STAT1: variants seen among roughly 807,000 people sequenced by gnomAD.
The protein encoded by STAT1 is signal transducer and activator of transcription 1-alpha/beta.
Under a neutral mutation model 111.7 loss-of-function variants are expected in STAT1, and 24 were observed. That is an observed-to-expected ratio of 0.21 (90% CI 0.16 to 0.30). The LOEUF is 0.30. Among genes scored for constraint, STAT1 ranks in the 10% least tolerant of loss-of-function variants. The pLI is 1.00. For synonymous variants in STAT1, 332 were observed against 326.5 expected, an observed-to-expected ratio of 1.02 and a Z score of -0.18; for missense variants, 351 against 911.9, an observed-to-expected ratio of 0.38 and a Z score of 7.92.
rs1692790634 is a variant in STAT1, at chr2:190,986,074, C to T, written c.1222-414G>A. Among the ~76,000 whole-genome samples, 1 of 152,224 alleles carries T rather than the reference C, an allele frequency of 6.6e-6. No individual in the cohort carries two copies. Among genetic ancestry groups the T allele is most frequent in the Admixed American group, 6.5e-5 (1 of 15,288 alleles). ...AAGTGGACGTCAATCTCTGAGCTGT[C>T]AATCCCTGAGCTGACGAGGGAGCAG... On this transcript the variant is annotated intron_variant, in intron 14 of 24. Transcript: ENST00000361099. This position sits in a 1 kb window ranked among gnomAD's most constrained non-coding sequence, Gnocchi z 5.0.
rs764141480 is a variant in STAT1, at chr2:190,976,994, C to T, written c.1905G>A (p.Thr635=). The part of the protein sequence containing the change: ...EPDFHAVEPY[T]KKELSAVTFP... ...AAGTAACAGCAGAAAGTTCTTTCTTCGTGTAGGGTTCAACCGCATGGAAGT... is the reference window on the plus strand; with the variant it reads ...AAGTAACAGCAGAAAGTTCTTTCTTTGTGTAGGGTTCAACCGCATGGAAGT... Residue 635 remains threonine (T), a synonymous_variant, in exon 22 of 25, where the codon ACG becomes ACA. Coordinates refer to ENST00000361099, the MANE Select transcript of STAT1 (RefSeq NM_007315.4). This position sits in a 1 kb window ranked among gnomAD's most constrained non-coding sequence, Gnocchi z 6.0. The T allele has an allele frequency of 6.8e-6, 11 of 1,613,968 alleles. No individual in the cohort carries two copies. The East Asian group carries it at 8.9e-5, about 13-fold the overall frequency.
rs1428086718 is a variant in STAT1 at position 190,977,622 on chromosome 2, G to C, written c.1874-597C>G. On this transcript the variant is annotated intron_variant, in intron 21 of 24. Coordinates refer to ENST00000361099, the MANE Select transcript of STAT1 (RefSeq NM_007315.4). The surrounding 1 kb of genome is among the most constrained non-coding windows in gnomAD (Gnocchi z 4.7). ...CTAGCTGATACAGAATCTCCCTTTG[G>C]GTGTCGACCTTCCAGAGGCCACGGT... is the stretch of plus-strand genomic sequence containing the variant. Among the ~76,000 whole-genome samples, 1 of 152,070 alleles carries C rather than the reference G, an allele frequency of 6.6e-6. No homozygotes were observed. Among genetic ancestry groups the C allele is most frequent in the Non-Finnish European group, 1.5e-5 (1 of 68,016 alleles).
In STAT1 at chr2:190,970,686, T is replaced by C. The variant is rs947648115; in HGVS notation, c.*17A>G. 6.2e-7 allele frequency: 1 copy of C among 1,612,896 alleles called. No homozygotes were observed. The highest frequency in any genetic ancestry group is 1.3e-5 in the African/African-American group (1 of 74,896). ...GAAGGAAAACTGTCGCCAGAGAAGA[T>C]GAAAAAAATTCATGCTCTATACTGT... On this transcript the variant is annotated 3_prime_UTR_variant, in exon 25 of 25. Transcript: ENST00000361099. The surrounding 1 kb of genome is among the most constrained non-coding windows in gnomAD (Gnocchi z 5.4).
chr2:191,007,452 A>G lies in STAT1; in HGVS notation c.372+111T>C, dbSNP rs1209314623. The G allele has an allele frequency of 1.2e-6, 1 of 814,558 alleles. No homozygotes were observed. The highest frequency in any genetic ancestry group is 1.5e-5 in the South Asian group (1 of 65,932). 50.5% of individuals were successfully genotyped at this position (814,558 alleles called of 1,614,324 possible). Reference sequence around the variant, plus strand: ...TCTGATTCTCCCACTTCTTGGGGCTATAAAATTAGAGAGATATTCATCATT... The same window carrying G: ...TCTGATTCTCCCACTTCTTGGGGCTGTAAAATTAGAGAGATATTCATCATT... On this transcript the variant is annotated intron_variant, in intron 5 of 24. Transcript: ENST00000361099. The surrounding 1 kb of genome is among the most constrained non-coding windows in gnomAD (Gnocchi z 4.2).
At position 190,975,946 on chromosome 2, in the gene STAT1, A is replaced by ATCAACTTTTCGGGGGGATTAAAGT; in HGVS notation, c.2060-83_2060-60dup. On this transcript the variant is annotated intron_variant, in intron 22 of 24. Coordinates refer to ENST00000361099, the MANE Select transcript of STAT1 (RefSeq NM_007315.4). This position sits in a 1 kb window ranked among gnomAD's most constrained non-coding sequence, Gnocchi z 5.9. ...AACCGAAATTCCATCAGAATACAAC[A>ATCAACTTTTCGGGGGGATTAAAGT]TCAACTTTTCGGGGGGATTAAAGTT... 1 of 1,440,866 alleles carries ATCAACTTTTCGGGGGGATTAAAGT rather than the reference A, an allele frequency of 6.9e-7. No individual in the cohort carries two copies. The highest frequency in any genetic ancestry group is 9.8e-7 in the Non-Finnish European group (1 of 1,024,452). The allele number at this position is 1,440,866 out of a possible 1,614,324, so 89.3% of individuals were successfully genotyped here. A position where few individuals can be genotyped will look rare whatever the true frequency, so the allele number is the denominator to read the frequency against.
chr2:190,970,535 T>G lies in STAT1; in HGVS notation c.*168A>C. On this transcript the variant is annotated 3_prime_UTR_variant, in exon 25 of 25. Coordinates refer to ENST00000361099, the MANE Select transcript of STAT1 (RefSeq NM_007315.4). The surrounding 1 kb of genome is among the most constrained non-coding windows in gnomAD (Gnocchi z 5.4). ...GCATGATGCCCTTCAGAGTAACTGATGTTTCTGAGTTAGAGAAAAATTCAC... is the reference window on the plus strand; with the variant it reads ...GCATGATGCCCTTCAGAGTAACTGAGGTTTCTGAGTTAGAGAAAAATTCAC... The G allele has an allele frequency of 1.4e-6, 1 of 734,102 alleles. No homozygotes were observed. Among genetic ancestry groups the G allele is most frequent in the Non-Finnish European group, 2.4e-6 (1 of 412,912 alleles). The allele number at this position is 734,102 out of a possible 1,614,324, so 45.5% of individuals were successfully genotyped here.
Position 190,990,059 on chromosome 2 carries a change from A to G in STAT1, c.1038-385T>C, listed in dbSNP as rs924256435. Among the ~76,000 whole-genome samples the G allele has an allele frequency of 6.6e-6, 1 of 152,178 alleles. No individual in the cohort carries two copies. The highest frequency in any genetic ancestry group is 2.4e-5 in the African/African-American group (1 of 41,412). On this transcript the variant is annotated intron_variant, in intron 11 of 24. Coordinates refer to ENST00000361099, the MANE Select transcript of STAT1 (RefSeq NM_007315.4). This position sits in a 1 kb window ranked among gnomAD's most constrained non-coding sequence, Gnocchi z 5.1. The stretch of plus-strand genomic sequence containing the variant: ...AACATTACTTTCTATTAAAACTTGT[A>G]TCTAATCTTTGTCCTGTTGGGAGAC...
At chr2:190,991,755 G>A (rs1693359999) in intron 10 of STAT1, among the ~76,000 whole-genome samples, 1 of 151,740 alleles carries the variant, frequency 6.6e-6, no homozygotes, top group Non-Finnish European at 1.5e-5. Flanking sequence ...CTACTGGAGG[G>A]TTGAAGTGGG....
intron 5 of STAT1, among the ~76,000 whole-genome samples, chr2:191,002,807 G>A (rs923259151): frequency 6.6e-6 from 1 of 152,036 alleles, no homozygotes; most frequent in Non-Finnish European, 1.5e-5. Context: ...GTGTTAAAGA[G>A]GTACCCATCA....
At chr2:191,009,130 A>G in intron 3 of STAT1, 23 bp from the exon 4 acceptor site, 1 of 1,613,750 alleles carries the variant, frequency 6.2e-7, no homozygotes, top group South Asian at 1.1e-5. Flanking sequence ...ACATTTACAC[A>G]TTTCATTCTA....
rs754206062 is a variant in STAT1 at position 190,979,016 on chromosome 2, G to A, written c.1728-15C>T. ...CCATGATGCACCTGGATATCGAAGA[G>A]ATGGACGGATGGGCTTTTAGTTCAA... On this transcript the variant is annotated splice_polypyrimidine_tract_variant and intron_variant, in intron 20 of 24. Coordinates refer to ENST00000361099, the MANE Select transcript of STAT1 (RefSeq NM_007315.4). This position sits in a 1 kb window ranked among gnomAD's most constrained non-coding sequence, Gnocchi z 5.8. The A allele has an allele frequency of 1.5e-5, 24 of 1,614,130 alleles. No homozygotes were observed. The highest frequency in any genetic ancestry group is 1.6e-4 in the Middle Eastern group (1 of 6,062).
Position 190,977,292 on chromosome 2 carries a change from T to C in STAT1, c.1874-267A>G, listed in dbSNP as rs540116315. Among the ~76,000 whole-genome samples the C allele has an allele frequency of 6.6e-6, 1 of 152,340 alleles. No individual in the cohort carries two copies. Among genetic ancestry groups the C allele is most frequent in the African/African-American group, 2.4e-5 (1 of 41,590 alleles). On this transcript the variant is annotated intron_variant, in intron 21 of 24. Transcript: ENST00000361099. This position sits in a 1 kb window ranked among gnomAD's most constrained non-coding sequence, Gnocchi z 4.7. ...TATAAATCTGGGCAAAAAAGATTTA[T>C]TAAAAACCTTTAAAAGCCTGCATCT... is the stretch of plus-strand genomic sequence containing the variant.
At chr2:190,992,750 T>A in intron 10 of STAT1, 1 of 852,568 alleles carries the variant, frequency 1.2e-6, no homozygotes, top group Non-Finnish European at 1.7e-6. Context: ...TAATCTCAGC[T>A]GCCATCATCA....
intron 5 of STAT1, among the ~76,000 whole-genome samples, chr2:191,001,646 G>A (rs1165225134): frequency 1.3e-5 from 2 of 152,148 alleles, no homozygotes; most frequent in Admixed American, 1.3e-4. Context: ...TGATCCAGAG[G>A]TATACTGAAA....
Position 190,970,759 on chromosome 2 carries a change from T to A in STAT1, c.2239-42A>T. On this transcript the variant is annotated intron_variant, in intron 24 of 24. Transcript: ENST00000361099. This position sits in a 1 kb window ranked among gnomAD's most constrained non-coding sequence, Gnocchi z 5.4. Reference sequence around the variant, plus strand: ...TGTGGTTAAGTTTATTACACTGATCTTGTGAAATGCAGACTCATACATTAA... The same window carrying A: ...TGTGGTTAAGTTTATTACACTGATCATGTGAAATGCAGACTCATACATTAA... The A allele has an allele frequency of 6.3e-7, 1 of 1,578,524 alleles. No homozygotes were observed.
chr2:190,991,180 C>T lies in STAT1; in HGVS notation c.1037+48G>A, dbSNP rs41497448. On this transcript the variant is annotated intron_variant, in intron 11 of 24. Coordinates refer to ENST00000361099, the MANE Select transcript of STAT1 (RefSeq NM_007315.4). ...TTTTTATAAAAGGAAACTAGGGGTA[C>T]AAACTACGTGACAGGTGATGTATGG... 1.6e-5 allele frequency: 25 copies of T among 1,583,292 alleles called. No homozygotes were observed. In the Admixed American group the frequency reaches 3.7e-4, roughly 23 times the overall value.
rs559062205 is a variant in STAT1, at chr2:190,979,952, TC to T, written c.1633-87del. The T allele has an allele frequency of 3.9e-3, 3,468 of 881,656 alleles. 105 individuals are homozygous for T. Among genetic ancestry groups the T allele is most frequent in the Non-Finnish European group, 7.2e-4 (388 of 538,144 alleles). 54.6% of individuals were successfully genotyped at this position (881,656 alleles called of 1,614,324 possible). A position where few individuals can be genotyped will look rare whatever the true frequency, so the allele number is the denominator to read the frequency against. The stretch of plus-strand genomic sequence containing the variant: ...CCCTCCCACCATCATTTGCAAAGAC[TC>T]CCCAGGTGCCAAGGATGGAACTGTC... On this transcript the variant is annotated intron_variant, in intron 19 of 24. Transcript: ENST00000361099. The surrounding 1 kb of genome is among the most constrained non-coding windows in gnomAD (Gnocchi z 5.8).
Position 190,975,754 on chromosome 2 carries a change from G to T in STAT1, c.2135+58C>A. 6.2e-7 allele frequency: 1 copy of T among 1,611,168 alleles called. No homozygotes were observed. The highest frequency in any genetic ancestry group is 8.5e-7 in the Non-Finnish European group (1 of 1,178,568). On this transcript the variant is annotated intron_variant, in intron 23 of 24. Coordinates refer to ENST00000361099, the MANE Select transcript of STAT1 (RefSeq NM_007315.4). The surrounding 1 kb of genome is among the most constrained non-coding windows in gnomAD (Gnocchi z 5.9). ...ATACAAGCATCTTCAACAGGCCCCA[G>T]CCAGGAGCAAGGCTGGCTTGAGGTT... is the stretch of plus-strand genomic sequence containing the variant.
At chr2:190,991,592 C>T (rs1465032124) in intron 10 of STAT1, among the ~76,000 whole-genome samples, 4 of 152,150 alleles carry the variant, frequency 2.6e-5, no homozygotes, top group Admixed American at 6.5e-5. Flanking sequence ...GGCACAGTGG[C>T]CCATGTCTGT....
Sources: allele counts gnomAD v4.1 joint callset (sites outside exome capture counted in the v4.1 genomes callset), GRCh38; gene constraint gnomAD v4.1.1; non-coding constraint Gnocchi (gnomAD v3.1); transcripts MANE v1.5; gene names NCBI Gene and HGNC (gene_info 2026-07-23, HGNC 2026-07-21).